RHOB: variants seen among roughly 807,000 people sequenced by gnomAD.
RHOB encodes the protein ras homolog family member B.
Under a neutral mutation model 12.9 loss-of-function variants are expected in RHOB, and 6 were observed. The ratio of observed to expected loss-of-function variants is 0.47; its 90% CI spans 0.25 to 0.92. The LOEUF (loss-of-function observed/expected upper bound fraction) is 0.92. Ranked by LOEUF, RHOB falls within the 40% of genes least tolerant of loss-of-function variation. The pLI, the probability that RHOB is intolerant of heterozygous loss-of-function variation, is 0.16. For synonymous variants in RHOB, 168 were observed against 122.1 expected, an observed-to-expected ratio of 1.38 and a Z score of -2.48; for missense variants, 142 against 277.9, an observed-to-expected ratio of 0.51 and a Z score of 3.48.
chr2:20,447,629 T>G lies in RHOB; in HGVS notation c.164T>G (p.Leu55Arg). The G allele has an allele frequency of 6.2e-7, 1 of 1,613,906 alleles. No individual in the cohort carries two copies. The highest frequency in any genetic ancestry group is 8.5e-7 in the Non-Finnish European group (1 of 1,180,008). ...GAGGTGGACGGCAAGCAGGTGGAGC[T>G]GGCGCTGTGGGACACGGCGGGCCAG... Reference protein sequence around the residue: ...DIEVDGKQVELALWDTAGQED... With the variant: ...DIEVDGKQVERALWDTAGQED... Residue 55 changes from leucine to arginine, a missense_variant, in exon 1 of 1, where the codon CTG (leucine) becomes CGG (arginine). Leu to Arg is a moderately radical substitution (Grantham distance 102). Around this residue, in one of 2 missense-constraint regions of RHOB, gnomAD observed 29 missense variants for 111.5 expected, o/e 0.26. Coordinates refer to ENST00000272233, the MANE Select transcript of RHOB (RefSeq NM_004040.4).
At position 20,447,453 on chromosome 2, in the gene RHOB, G is replaced by A; in HGVS notation, c.-13G>A. 2 of 1,597,090 alleles carry A rather than the reference G, an allele frequency of 1.3e-6. No individual in the cohort carries two copies. Among genetic ancestry groups the A allele is most frequent in the South Asian group, 1.1e-5 (1 of 88,424 alleles). On this transcript the variant is annotated 5_prime_UTR_variant, in exon 1 of 1. Transcript: ENST00000272233. ...TCGCGGGCCCCCTCCTGCTGCCCGG[G>A]CCCGGCCCGCTCATGGCGGCCATCC...
rs757303847 is a variant in RHOB at position 20,448,014 on chromosome 2, C to T, written c.549C>T (p.Tyr183=). 19 of 1,612,444 alleles carry T rather than the reference C, an allele frequency of 1.2e-5. No homozygotes were observed. The highest frequency in any genetic ancestry group is 1.6e-4 in the Middle Eastern group (1 of 6,062). ...CGCGCGCCGCGCTGCAGAAGCGCTA[C>T]GGCTCCCAGAACGGCTGCATCAACT... The part of the protein sequence containing the change: ...TATRAALQKR[Y]GSQNGCINCC... Residue 183 remains tyrosine, a synonymous_variant, in exon 1 of 1, where the codon TAC becomes TAT. Coordinates refer to ENST00000272233, the MANE Select transcript of RHOB (RefSeq NM_004040.4).
rs945384144 is a variant in RHOB, at chr2:20,447,971, A to G, written c.506A>G (p.Glu169Gly). The change falls in exon 1 of 1, where the codon GAG becomes GGG. Residue 169 changes from glutamate to glycine, a missense_variant. Glu to Gly is a moderately conservative substitution (Grantham distance 98, BLOSUM62 -2). Transcript: ENST00000272233. ...CSAKTKEGVR[E>G]VFETATRAAL... Reference sequence around the variant, plus strand: ...GCCAAGACCAAGGAAGGCGTGCGCGAGGTCTTCGAGACGGCCACGCGCGCC... The same window carrying G: ...GCCAAGACCAAGGAAGGCGTGCGCGGGGTCTTCGAGACGGCCACGCGCGCC... 3 of 1,612,822 alleles carry G rather than the reference A, an allele frequency of 1.9e-6. No individual in the cohort carries two copies. Among genetic ancestry groups the G allele is most frequent in the African/African-American group, 2.7e-5 (2 of 74,922 alleles).
At position 20,448,940 on chromosome 2, in the gene RHOB, CTT is replaced by C. The variant is rs752879312; in HGVS notation, c.*885_*886del. 6.0e-6 allele frequency: 1 copy of C among 167,132 alleles called. No homozygotes were observed. Among genetic ancestry groups the C allele is most frequent in the Non-Finnish European group, 1.5e-5 (1 of 68,128 alleles). The allele number at this position is 167,132 out of a possible 1,614,324, so 10.4% of individuals were successfully genotyped here. A position where few individuals can be genotyped will look rare whatever the true frequency, so the allele number is the denominator to read the frequency against. ...TGCACAATTGTTTCATTGTTTGACA[CTT>C]AATGCACTCGTCATTTGCATACGAC... On this transcript the variant is annotated 3_prime_UTR_variant, in exon 1 of 1. Transcript: ENST00000272233.
rs1447602603 is a variant in RHOB at position 20,447,364 on chromosome 2, C to T, written c.-102C>T. 5 of 900,568 alleles carry T rather than the reference C, an allele frequency of 5.6e-6. No individual in the cohort carries two copies. Among genetic ancestry groups the T allele is most frequent in the Non-Finnish European group, 7.8e-6 (5 of 638,954 alleles). 55.8% of individuals were successfully genotyped at this position (900,568 alleles called of 1,614,324 possible). ...CGGGGCCCGGGTGCAGCTAGCGACC[C>T]TCTCGCCACCTGCGCGCAGCCCGAG... On this transcript the variant is annotated 5_prime_UTR_variant, in exon 1 of 1. Coordinates refer to ENST00000272233, the MANE Select transcript of RHOB (RefSeq NM_004040.4).
Position 20,447,862 on chromosome 2 carries a change from C to G in RHOB, c.397C>G (p.Arg133Gly). ...SDEHVRTELARMKQEPVRTDD... is the reference protein window; with the variant it reads ...SDEHVRTELAGMKQEPVRTDD... The stretch of plus-strand genomic sequence containing the variant: ...CGAGCATGTCCGCACAGAGCTGGCC[C>G]GCATGAAGCAGGAACCCGTGCGCAC... The change falls in exon 1 of 1, where the codon CGC (arginine) becomes GGC (glycine). Residue 133 changes from arginine (R) to glycine (G), a missense_variant. By Grantham distance (125) the Arg-to-Gly change is moderately radical. Coordinates refer to ENST00000272233, the MANE Select transcript of RHOB (RefSeq NM_004040.4). 1 of 1,613,586 alleles carries G rather than the reference C, an allele frequency of 6.2e-7. No individual in the cohort carries two copies. Among genetic ancestry groups the G allele is most frequent in the East Asian group, 2.2e-5 (1 of 44,862 alleles).
Position 20,447,368 on chromosome 2 carries a change from C to G in RHOB, c.-98C>G. 1 of 946,656 alleles carries G rather than the reference C, an allele frequency of 1.1e-6. No homozygotes were observed. Among genetic ancestry groups the G allele is most frequent in the African/African-American group, 1.7e-5 (1 of 57,366 alleles). The allele number at this position is 946,656 out of a possible 1,614,324, so 58.6% of individuals were successfully genotyped here. On this transcript the variant is annotated 5_prime_UTR_variant, in exon 1 of 1. Coordinates refer to ENST00000272233, the MANE Select transcript of RHOB (RefSeq NM_004040.4). ...GCCCGGGTGCAGCTAGCGACCCTCT[C>G]GCCACCTGCGCGCAGCCCGAGGTGA... is the stretch of plus-strand genomic sequence containing the variant.
Position 20,448,835 on chromosome 2 carries a change from C to T in RHOB, c.*779C>T, listed in dbSNP as rs944439429. 6.0e-6 allele frequency: 1 copy of T among 167,106 alleles called. No homozygotes were observed. Among genetic ancestry groups the T allele is most frequent in the Non-Finnish European group, 1.5e-5 (1 of 68,130 alleles). The allele number at this position is 167,106 out of a possible 1,614,324, so 10.4% of individuals were successfully genotyped here. ...TGCCATAAGCGAACTTTGTGCCTGTCCTAGAAGTGAAAATTGTTCAGTCCA... is the reference window on the plus strand; with the variant it reads ...TGCCATAAGCGAACTTTGTGCCTGTTCTAGAAGTGAAAATTGTTCAGTCCA... On this transcript the variant is annotated 3_prime_UTR_variant, in exon 1 of 1. Transcript: ENST00000272233.
rs1179004962 is a variant in RHOB, at chr2:20,448,576, G to A, written c.*520G>A. ...ATATAGATATAATTTTATTTTCGGA[G>A]CTAAGATGGTGTTATTTAAGGGTGG... On this transcript the variant is annotated 3_prime_UTR_variant, in exon 1 of 1. Coordinates refer to ENST00000272233, the MANE Select transcript of RHOB (RefSeq NM_004040.4). 6.0e-6 allele frequency: 1 copy of A among 167,878 alleles called. No individual in the cohort carries two copies. The highest frequency in any genetic ancestry group is 2.4e-5 in the African/African-American group (1 of 41,592). 10.4% of individuals were successfully genotyped at this position (167,878 alleles called of 1,614,324 possible).
chr2:20,448,221 C>G lies in RHOB; in HGVS notation c.*165C>G. ...CTTGCGCCAGGACTTGGCGTGGGCA[C>G]CGGGCGCCCCCATCCCAGTGTCTGT... On this transcript the variant is annotated 3_prime_UTR_variant, in exon 1 of 1. Coordinates refer to ENST00000272233, the MANE Select transcript of RHOB (RefSeq NM_004040.4). 4.6e-6 allele frequency: 3 copies of G among 651,328 alleles called. No individual in the cohort carries two copies. Among genetic ancestry groups the G allele is most frequent in the Middle Eastern group, 4.3e-4 (1 of 2,344 alleles). The allele number at this position is 651,328 out of a possible 1,614,324, so 40.3% of individuals were successfully genotyped here. A position where few individuals can be genotyped will look rare whatever the true frequency, so the allele number is the denominator to read the frequency against.
Position 20,447,693 on chromosome 2 carries a change from C to G in RHOB, c.228C>G (p.Asp76Glu). 1 of 1,613,838 alleles carries G rather than the reference C, an allele frequency of 6.2e-7. No homozygotes were observed. The highest frequency in any genetic ancestry group is 8.5e-7 in the Non-Finnish European group (1 of 1,179,902). ...GCCTGCGGCCGCTCTCCTACCCGGA[C>G]ACCGACGTCATTCTCATGTGCTTCT... ...YDRLRPLSYP[D>E]TDVILMCFSV... is the part of the protein sequence containing the mutation. Residue 76 changes from aspartate (D) to glutamate (E), a missense_variant, in exon 1 of 1, where the codon GAC (aspartate) becomes GAG (glutamate). Around this residue, in one of 2 missense-constraint regions of RHOB, gnomAD observed 29 missense variants for 111.5 expected, o/e 0.26. Coordinates refer to ENST00000272233, the MANE Select transcript of RHOB (RefSeq NM_004040.4).
chr2:20,447,458 G>A lies in RHOB; in HGVS notation c.-8G>A, dbSNP rs747754982. ...GGCCCCCTCCTGCTGCCCGGGCCCG[G>A]CCCGCTCATGGCGGCCATCCGCAAG... On this transcript the variant is annotated 5_prime_UTR_variant, in exon 1 of 1. Coordinates refer to ENST00000272233, the MANE Select transcript of RHOB (RefSeq NM_004040.4). The A allele has an allele frequency of 1.2e-6, 2 of 1,601,538 alleles. No individual in the cohort carries two copies. The highest frequency in any genetic ancestry group is 1.7e-5 in the Admixed American group (1 of 59,246).
At position 20,447,735 on chromosome 2, in the gene RHOB, C is replaced by T. The variant is rs1210203088; in HGVS notation, c.270C>T (p.Asp90=). 64 of 1,599,282 alleles carry T rather than the reference C, an allele frequency of 4.0e-5. No individual in the cohort carries two copies. The highest frequency in any genetic ancestry group is 5.3e-5 in the Non-Finnish European group (62 of 1,173,108). ...TGTGCTTCTCGGTGGACAGCCCGGACTCGCTGGAGAACATCCCCGAGAAGT... is the reference window on the plus strand; with the variant it reads ...TGTGCTTCTCGGTGGACAGCCCGGATTCGCTGGAGAACATCCCCGAGAAGT... ...ILMCFSVDSP[D]SLENIPEKWV... The change falls in exon 1 of 1, where the codon GAC becomes GAT. Residue 90 remains aspartate (D), a synonymous_variant. Coordinates refer to ENST00000272233, the MANE Select transcript of RHOB (RefSeq NM_004040.4).
At position 20,448,066 on chromosome 2, in the gene RHOB, C is replaced by T; in HGVS notation, c.*10C>T. 6.3e-7 allele frequency: 1 copy of T among 1,595,792 alleles called. No individual in the cohort carries two copies. Among genetic ancestry groups the T allele is most frequent in the African/African-American group, 1.3e-5 (1 of 74,736 alleles). ...CTGCAAGGTGCTATGAGGGCCGCGC[C>T]CGTCGCGCCTGCCCCTGCCGGCACG... is the stretch of plus-strand genomic sequence containing the variant. On this transcript the variant is annotated 3_prime_UTR_variant, in exon 1 of 1. Coordinates refer to ENST00000272233, the MANE Select transcript of RHOB (RefSeq NM_004040.4).
chr2:20,449,398 G>GT lies in RHOB; in HGVS notation c.*1348dup, dbSNP rs909354932. The GT allele has an allele frequency of 3.6e-5, 6 of 167,024 alleles. No individual in the cohort carries two copies. The highest frequency in any genetic ancestry group is 1.4e-4 in the African/African-American group (6 of 41,438). The allele number at this position is 167,024 out of a possible 1,614,324, so 10.3% of individuals were successfully genotyped here. Reference sequence around the variant, plus strand: ...AAAAGTTCTATAAGCTGTGTATACAGTTTTTTATGTAAAATATTAAAAGAC... The same window carrying GT: ...AAAAGTTCTATAAGCTGTGTATACAGTTTTTTTATGTAAAATATTAAAAGAC... On this transcript the variant is annotated 3_prime_UTR_variant, in exon 1 of 1. Coordinates refer to ENST00000272233, the MANE Select transcript of RHOB (RefSeq NM_004040.4).
rs1251266220 is a variant in RHOB, at chr2:20,448,140, C to T, written c.*84C>T. 6 of 1,226,396 alleles carry T rather than the reference C, an allele frequency of 4.9e-6. No homozygotes were observed. Among genetic ancestry groups the T allele is most frequent in the East Asian group, 2.5e-5 (1 of 40,230 alleles). 76.0% of individuals were successfully genotyped at this position (1,226,396 alleles called of 1,614,324 possible). ...CCGCGAGCCCGGAGAAGGGGAGACC[C>T]GTGTCCCACAAGGACCCCACCGGCC... On this transcript the variant is annotated 3_prime_UTR_variant, in exon 1 of 1. Coordinates refer to ENST00000272233, the MANE Select transcript of RHOB (RefSeq NM_004040.4).
Position 20,448,247 on chromosome 2 carries a change from G to C in RHOB, c.*191G>C. The stretch of plus-strand genomic sequence containing the variant: ...CGGGCGCCCCCATCCCAGTGTCTGT[G>C]TGCGTCCAGCTGTGTTGCACAGGCC... On this transcript the variant is annotated 3_prime_UTR_variant, in exon 1 of 1. Coordinates refer to ENST00000272233, the MANE Select transcript of RHOB (RefSeq NM_004040.4). The C allele has an allele frequency of 3.2e-6, 2 of 620,072 alleles. No homozygotes were observed. The highest frequency in any genetic ancestry group is 5.8e-6 in the Non-Finnish European group (2 of 342,300). The allele number at this position is 620,072 out of a possible 1,614,324, so 38.4% of individuals were successfully genotyped here.
Position 20,447,437 on chromosome 2 carries a change from C to A in RHOB, c.-29C>A, listed in dbSNP as rs776970712. The stretch of plus-strand genomic sequence containing the variant: ...GAGGGCAGCGAGGCGTTCGCGGGCC[C>A]CCTCCTGCTGCCCGGGCCCGGCCCG... On this transcript the variant is annotated 5_prime_UTR_variant, in exon 1 of 1. Coordinates refer to ENST00000272233, the MANE Select transcript of RHOB (RefSeq NM_004040.4). The A allele has an allele frequency of 6.4e-7, 1 of 1,560,122 alleles. No individual in the cohort carries two copies. The highest frequency in any genetic ancestry group is 1.8e-5 in the Admixed American group (1 of 55,744).
rs1691011203 is a variant in RHOB at position 20,447,149 on chromosome 2, G to C, written c.-317G>C. 3.6e-6 allele frequency: 1 copy of C among 280,798 alleles called. No individual in the cohort carries two copies. The highest frequency in any genetic ancestry group is 6.4e-5 in the East Asian group (1 of 15,606). The allele number at this position is 280,798 out of a possible 1,614,324, so 17.4% of individuals were successfully genotyped here. A position where few individuals can be genotyped will look rare whatever the true frequency, so the allele number is the denominator to read the frequency against. On this transcript the variant is annotated 5_prime_UTR_variant, in exon 1 of 1. The change abolishes the stop of an existing upstream ORF in the 5' untranslated region. Transcript: ENST00000272233. ...CCCGGAGAGACCCGGGAGAGAGCTA[G>C]GCCGAGTCCACCGCCCGAGTCTGCT... is the stretch of plus-strand genomic sequence containing the variant.
Sources: gnomAD v4.1 joint callset for allele counts on GRCh38, gnomAD v4.1.1 for gene constraint, gnomAD v4.1.1 regional missense constraint, MANE v1.5 for transcripts, NCBI Gene and HGNC (gene_info 2026-07-23, HGNC 2026-07-21) for gene names.